The following TLK2 variants were observed in gnomAD, a reference collection of about 807,000 sequenced individuals.
The protein encoded by TLK2 is serine/threonine-protein kinase tousled-like 2.
A neutral mutation model predicts 117.3 loss-of-function variants in TLK2; 6 were observed. That is an observed-to-expected ratio of 0.05 (90% CI 0.03 to 0.10). The LOEUF (loss-of-function observed/expected upper bound fraction) is 0.10, where lower values mean the gene tolerates loss of function less well. Among genes scored for constraint, TLK2 ranks in the 10% least tolerant of loss-of-function variants. The probability of loss-of-function intolerance (pLI) is 1.00; values close to 1 mark genes in which losing one functional copy is unlikely to be tolerated. For synonymous variants in TLK2, 257 were observed against 316.7 expected (o/e 0.81, Z 2.00); for missense variants, 299 against 901.2 (o/e 0.33, Z 8.56).
chr17:62,514,889 G>A (rs1029126684), intron 2 of TLK2, among the ~76,000 whole-genome samples: 1 of 152,074 alleles, frequency 6.6e-6, no homozygotes, highest in Non-Finnish European at 1.5e-5. Context: ...CTGAGCCACC[G>A]TGCCCGGCCC....
chr17:62,541,763 C>A (rs377732408), intron 7 of TLK2, among the ~76,000 whole-genome samples: 1 of 16,950 alleles, frequency 5.9e-5, no homozygotes, highest in Non-Finnish European at 8.5e-3. Context: ...GTAGCTGCAA[C>A]TAGAGTGCAC....
intron 1 of TLK2, among the ~76,000 whole-genome samples, chr17:62,480,601 T>C (rs2071522022): frequency 6.6e-6 from 1 of 152,244 alleles, no homozygotes; most frequent in Non-Finnish European, 1.5e-5. Context: ...CTGTGAGCTC[T>C]TCAGAGACAG....
chr17:62,573,474 A>T, intron 12 of TLK2, 107 bp downstream of exon 12: 1 of 1,434,822 alleles, frequency 7.0e-7, no homozygotes, highest in Non-Finnish European at 9.4e-7. Context: ...ACTCAGGTTT[A>T]AACCTTCTTT....
rs1598459946 is a variant in TLK2 at position 62,541,128 on chromosome 17, A to ACTC, written c.531+4791_531+4792insCTC. 2.6e-5 allele frequency among the ~76,000 whole-genome samples: 4 copies of ACTC among 152,058 alleles called. No individual in the cohort carries two copies. The East Asian group carries it at 7.7e-4, about 29-fold the overall frequency. The stretch of plus-strand genomic sequence containing the variant: ...TCTGCTTATATTTACCCTATTAGAG[A>ACTC]GGCCTACCCTGGCCACACTATAAAA... On this transcript the variant is annotated intron_variant, in intron 7 of 21. Transcript: ENST00000346027.
rs1330408756 is a variant in TLK2, at chr17:62,481,201, A to T, written c.76A>T (p.Ser26Cys). ...LEARFTGVGV[S>C]KGPLNSESSN... ...GGCCAGGTTTACTGGAGTAGGTGTT[A>T]GTAAGGTGAGTAAAATGATGATCAT... is the stretch of plus-strand genomic sequence containing the variant. Residue 26 changes from serine to cysteine, a missense_variant, in exon 2 of 22, where the codon AGT becomes TGT. Physicochemically the swap from Ser to Cys is moderately radical, Grantham distance 112. Coordinates refer to ENST00000346027, the MANE Select transcript of TLK2 (RefSeq NM_006852.6). 6.2e-7 allele frequency: 1 copy of T among 1,613,762 alleles called. No individual in the cohort carries two copies. Among genetic ancestry groups the T allele is most frequent in the Non-Finnish European group, 8.5e-7 (1 of 1,179,804 alleles).
At chr17:62,601,450 C>T (rs969326814) in intron 18 of TLK2, among the ~76,000 whole-genome samples, 12 of 152,226 alleles carry the variant, frequency 7.9e-5, no homozygotes, top group African/African-American at 2.7e-4. Flanking sequence ...CTTTGCTTTA[C>T]TCTTCTGGTA....
chr17:62,512,421 C>T (rs2075224255), intron 2 of TLK2, among the ~76,000 whole-genome samples: 1 of 151,860 alleles, frequency 6.6e-6, no homozygotes, highest in Non-Finnish European at 1.5e-5. Flanking sequence ...CGGGGTTTCT[C>T]CACGTTGGTC....
intron 6 of TLK2, among the ~76,000 whole-genome samples, chr17:62,524,804 C>G (rs752412465): frequency 2.0e-5 from 3 of 152,070 alleles, no homozygotes; most frequent in Non-Finnish European, 2.9e-5. Context: ...AACATTATAC[C>G]TAAGTTAATG....
At chr17:62,580,286 A>T in intron 15 of TLK2, 94 bp downstream of exon 15, 1 of 875,876 alleles carries the variant, frequency 1.1e-6, no homozygotes, top group Non-Finnish European at 1.7e-6. Context: ...TTGTAGGTTG[A>T]TATCCATTGG....
chr17:62,596,690 T>G lies in TLK2; in HGVS notation c.1550+16T>G. On this transcript the variant is annotated intron_variant, in intron 17 of 21. Transcript: ENST00000346027. Reference sequence around the variant, plus strand: ...ATACTGACTCGTAAGTGCTGTGCTGTTTTACCTTAACAGTTATATTATTTT... The same window carrying G: ...ATACTGACTCGTAAGTGCTGTGCTGGTTTACCTTAACAGTTATATTATTTT... 1.2e-6 allele frequency: 2 copies of G among 1,603,876 alleles called. No homozygotes were observed. The highest frequency in any genetic ancestry group is 1.7e-6 in the Non-Finnish European group (2 of 1,170,900).
chr17:62,565,120 T>C lies in TLK2; in HGVS notation c.951T>C (p.Ala317=), dbSNP rs756481480. The C allele has an allele frequency of 6.2e-7, 1 of 1,607,094 alleles. No homozygotes were observed. The highest frequency in any genetic ancestry group is 1.7e-5 in the Admixed American group (1 of 57,688). The part of the protein sequence containing the change: ...SFTEQWTDGY[A]FQNLIKQQER... ...CTGAACAGTGGACAGATGGTTATGC[T>C]TTTCAGAATCTTATCAAGTAAGTGA... Residue 317 remains alanine, a synonymous_variant, in exon 11 of 22, where the codon GCT becomes GCC. Coordinates refer to ENST00000346027, the MANE Select transcript of TLK2 (RefSeq NM_006852.6).
Position 62,602,149 on chromosome 17 carries a change from G to C in TLK2, c.1828G>C (p.Glu610Gln), listed in dbSNP as rs1323510867. The change falls in exon 19 of 22, where the codon GAG becomes CAG. Residue 610 changes from glutamate to glutamine, a missense_variant. Around this residue, in one of 4 missense-constraint regions of TLK2, gnomAD observed 81 missense variants for 370.9 expected, o/e 0.22. Transcript: ENST00000346027. ...DDSYNSVDGM[E>Q]LTSQGAGTYW... ...TAGCTACAATTCAGTGGATGGCATG[G>C]AGCTAACATCACAAGGTGCTGGTAC... 1 of 1,613,814 alleles carries C rather than the reference G, an allele frequency of 6.2e-7. No homozygotes were observed. The highest frequency in any genetic ancestry group is 8.5e-7 in the Non-Finnish European group (1 of 1,179,798).
At chr17:62,529,246 T>A (rs1455589817) in intron 6 of TLK2, among the ~76,000 whole-genome samples, 1 of 152,158 alleles carries the variant, frequency 6.6e-6, no homozygotes, top group Non-Finnish European at 1.5e-5. Flanking sequence ...TAATTTTAAT[T>A]TTTATTTTTG....
intron 17 of TLK2, chr17:62,597,145 C>A (rs970534079): frequency 6.5e-6 from 1 of 154,168 alleles, no homozygotes; most frequent in East Asian, 1.9e-4. Context: ...CCCATCATAC[C>A]TTTTACTACT....
At chr17:62,482,235 C>T (rs1452711308) in intron 2 of TLK2, among the ~76,000 whole-genome samples, 3 of 152,120 alleles carry the variant, frequency 2.0e-5, no homozygotes, top group African/African-American at 7.2e-5. Flanking sequence ...AGGCAGGAGC[C>T]ACTGTGCCTG....
chr17:62,570,543 T>C (rs1480196862), intron 11 of TLK2, among the ~76,000 whole-genome samples: 1 of 152,178 alleles, frequency 6.6e-6, no homozygotes, highest in Non-Finnish European at 1.5e-5. Flanking sequence ...CCAAAATAAA[T>C]CTAAATGAAG....
intron 15 of TLK2, among the ~76,000 whole-genome samples, chr17:62,582,747 A>G (rs1469767286): frequency 2.0e-5 from 3 of 152,176 alleles, no homozygotes; most frequent in Admixed American, 6.5e-5. Context: ...ACTTTCTTTC[A>G]TCTTCCAAAA....
At position 62,573,412 on chromosome 17, in the gene TLK2, C is replaced by G. The variant is rs781236542; in HGVS notation, c.1121+45C>G. 5 of 1,593,734 alleles carry G rather than the reference C, an allele frequency of 3.1e-6. 1 individual carries two copies. The highest frequency in any genetic ancestry group is 4.3e-6 in the Non-Finnish European group (5 of 1,168,958). ...GAACGCTGAGACACCACACCCTGCC[C>G]CCAAATACAAATGTTGATTGTCACC... On this transcript the variant is annotated intron_variant, in intron 12 of 21. Coordinates refer to ENST00000346027, the MANE Select transcript of TLK2 (RefSeq NM_006852.6).
chr17:62,588,656 T>G (rs1272207861), intron 16 of TLK2, among the ~76,000 whole-genome samples: 1 of 152,042 alleles, frequency 6.6e-6, no homozygotes, highest in Non-Finnish European at 1.5e-5. Context: ...GGAGTTCTTT[T>G]TTTTGTTTTG....
Sources: gnomAD v4.1 joint callset for allele counts (sites outside exome capture counted in the v4.1 genomes callset) on GRCh38, gnomAD v4.1.1 for gene constraint, gnomAD v4.1.1 regional missense constraint, MANE v1.5 for transcripts, NCBI Gene and HGNC (gene_info 2026-07-23, HGNC 2026-07-21) for gene names.